CHST3: variants seen among roughly 807,000 people sequenced by gnomAD.
CHST3 encodes C6ST-1.
CHST3 carries 20 observed loss-of-function variants against 35.4 expected under a neutral mutation model. That is an observed-to-expected ratio of 0.57 (90% CI 0.40 to 0.82). CHST3 has a LOEUF of 0.82. Ranked by LOEUF, CHST3 falls within the 40% of genes least tolerant of loss-of-function variation. The pLI is 0.00. For missense variants in CHST3, 693 were observed against 670.1 expected, an observed-to-expected ratio of 1.03 and a Z score of -0.38; for synonymous variants, 334 against 295.9, an observed-to-expected ratio of 1.13 and a Z score of -1.32.
intron 1 of CHST3, among the ~76,000 whole-genome samples, chr10:71,997,217 C>T (rs1238074837): frequency 6.6e-6 from 1 of 152,180 alleles, no homozygotes; most frequent in Non-Finnish European, 1.5e-5. Context: ...CCCCCCGGCC[C>T]TTCATCCCAG....
At chr10:71,981,233 C>T (rs903921518) in intron 1 of CHST3, among the ~76,000 whole-genome samples, 8 of 152,204 alleles carry the variant, frequency 5.3e-5, no homozygotes, top group African/African-American at 9.7e-5. Context: ...TTGTATCACG[C>T]GGCAGCACCT....
intron 1 of CHST3, among the ~76,000 whole-genome samples, chr10:71,970,171 G>C (rs1353567305): frequency 6.6e-6 from 1 of 152,122 alleles, no homozygotes; most frequent in African/African-American, 2.4e-5. Context: ...CACCAGCTTG[G>C]AGGGCAGGGT....
At chr10:71,970,929 G>A (rs1485432810) in intron 1 of CHST3, among the ~76,000 whole-genome samples, 1 of 152,134 alleles carries the variant, frequency 6.6e-6, no homozygotes, top group African/African-American at 2.4e-5. Flanking sequence ...TCTTTGCTTT[G>A]GGCTGGAGTC....
chr10:72,005,751 C>A lies in CHST3; in HGVS notation c.-92C>A. 1.3e-6 allele frequency: 2 copies of A among 1,540,066 alleles called. No individual in the cohort carries two copies. Among genetic ancestry groups the A allele is most frequent in the Non-Finnish European group, 1.8e-6 (2 of 1,116,260 alleles). On this transcript the variant is annotated 5_prime_UTR_variant, in exon 2 of 3. Transcript: ENST00000373115. ...CTCTCCGCAGGACAAGGGTGTCCCC[C>A]ACCTGAAGACGGCAAGCTGGGTCCT...
Position 72,009,061 on chromosome 10 carries a change from G to A in CHST3, c.*590G>A, listed in dbSNP as rs141983962. 9.2e-5 allele frequency: 14 copies of A among 152,920 alleles called. No homozygotes were observed. Among genetic ancestry groups the A allele is most frequent in the African/African-American group, 2.6e-4 (11 of 41,540 alleles). The allele number at this position is 152,920 out of a possible 1,614,324, so 9.5% of individuals were successfully genotyped here. The stretch of plus-strand genomic sequence containing the variant: ...GGCTGTGCTGGTTACTGATGAATAT[G>A]GGCCCCTTATAGAGCTGCAAAACAC... On this transcript the variant is annotated 3_prime_UTR_variant, in exon 3 of 3. Transcript: ENST00000373115.
intron 1 of CHST3, among the ~76,000 whole-genome samples, chr10:71,996,812 G>A (rs928339302): frequency 2.0e-5 from 3 of 152,246 alleles, no homozygotes; most frequent in Middle Eastern, 6.8e-3. Flanking sequence ...TACTGTCCGA[G>A]GCAAGAGCTG....
rs1474879888 is a variant in CHST3 at position 72,007,905 on chromosome 10, C to T, written c.874C>T (p.Leu292=). The change falls in exon 3 of 3, where the codon CTG becomes TTG. Residue 292 remains leucine (L), a synonymous_variant. Transcript: ENST00000373115. ...GCAGCCGCTGGCCGAGGACCCCCGC[C>T]TGGACCTGCGCGTCATCCAGCTGGT... ...FLQPLAEDPR[L]DLRVIQLVRD... The T allele has an allele frequency of 1.9e-6, 3 of 1,571,494 alleles. No individual in the cohort carries two copies. The highest frequency in any genetic ancestry group is 1.7e-6 in the Non-Finnish European group (2 of 1,158,966).
intron 1 of CHST3, among the ~76,000 whole-genome samples, chr10:71,978,252 G>A (rs1839765962): frequency 6.6e-6 from 1 of 152,078 alleles, no homozygotes; most frequent in African/African-American, 2.4e-5. Flanking sequence ...CTGTAATCCA[G>A]CTACTCGGGA....
intron 1 of CHST3, among the ~76,000 whole-genome samples, chr10:72,002,702 G>T (rs1021875588): frequency 6.6e-6 from 1 of 152,180 alleles, no homozygotes; most frequent in Non-Finnish European, 1.5e-5. Context: ...TCAACACCTC[G>T]TACTCTGAAA....
intron 1 of CHST3, among the ~76,000 whole-genome samples, chr10:71,983,117 G>A (rs967246239): frequency 1.4e-4 from 21 of 152,234 alleles, no homozygotes; most frequent in African/African-American, 4.6e-4. Context: ...AAGATAGGGT[G>A]GGCCAGGTTG....
At chr10:71,966,495 T>A (rs1168875083) in intron 1 of CHST3, among the ~76,000 whole-genome samples, 1 of 152,194 alleles carries the variant, frequency 6.6e-6, no homozygotes, top group Non-Finnish European at 1.5e-5. Context: ...AAATGTGTCA[T>A]TCCCCACCCC....
chr10:71,980,645 G>A (rs1220981274), intron 1 of CHST3, among the ~76,000 whole-genome samples: 2 of 152,138 alleles, frequency 1.3e-5, no homozygotes, highest in Admixed American at 1.3e-4. Flanking sequence ...CTGAGGATTC[G>A]CATTTCCACC....
intron 1 of CHST3, among the ~76,000 whole-genome samples, chr10:72,002,837 G>T (rs1370955784): frequency 6.6e-6 from 1 of 152,210 alleles, no homozygotes; most frequent in Non-Finnish European, 1.5e-5. Flanking sequence ...ACAGCTACCA[G>T]GCACCAGCCT....
chr10:71,966,796 A>G (rs1347946200), intron 1 of CHST3, among the ~76,000 whole-genome samples: 1 of 152,250 alleles, frequency 6.6e-6, no homozygotes, highest in Non-Finnish European at 1.5e-5. Flanking sequence ...CAGATTAGGA[A>G]ACTGAGGACC....
chr10:71,978,855 C>T (rs575755811), intron 1 of CHST3, among the ~76,000 whole-genome samples: 2 of 152,276 alleles, frequency 1.3e-5, no homozygotes, highest in African/African-American at 4.8e-5. Context: ...GCTCTGTGGG[C>T]CAAGAGCAGG....
In CHST3 at chr10:72,009,091, A is replaced by T. The variant is rs976638149; in HGVS notation, c.*620A>T. On this transcript the variant is annotated 3_prime_UTR_variant, in exon 3 of 3. Coordinates refer to ENST00000373115, the MANE Select transcript of CHST3 (RefSeq NM_004273.5). Reference sequence around the variant, plus strand: ...CCTTATAGAGCTGCAAAACACACACATGCGTATAGACATACATACATGTAC... The same window carrying T: ...CCTTATAGAGCTGCAAAACACACACTTGCGTATAGACATACATACATGTAC... The T allele has an allele frequency of 6.5e-6, 1 of 152,836 alleles. No homozygotes were observed. The highest frequency in any genetic ancestry group is 6.5e-5 in the Admixed American group (1 of 15,344). The allele number at this position is 152,836 out of a possible 1,614,324, so 9.5% of individuals were successfully genotyped here. A position where few individuals can be genotyped will look rare whatever the true frequency, so the allele number is the denominator to read the frequency against.
At chr10:71,984,860 CCTGGTT>C (rs1564526839) in intron 1 of CHST3, among the ~76,000 whole-genome samples, 3 of 152,216 alleles carry the variant, frequency 2.0e-5, no homozygotes, top group Non-Finnish European at 4.4e-5. Context: ...GTTCCTAGTG[CCTGGTT>C]CCATGCTTGG....
In CHST3 at chr10:72,008,039, G is replaced by A; in HGVS notation, c.1008G>A (p.Glu336=). The change falls in exon 3 of 3, where the codon GAG becomes GAA. Residue 336 remains glutamate, a synonymous_variant. Coordinates refer to ENST00000373115, the MANE Select transcript of CHST3 (RefSeq NM_004273.5). ...DDEGQDGLRE[E]EVQRLRGNCE... Reference sequence around the variant, plus strand: ...AGGGCCAGGACGGCCTGAGGGAAGAGGAGGTGCAGCGGCTGCGGGGCAACT... The same window carrying A: ...AGGGCCAGGACGGCCTGAGGGAAGAAGAGGTGCAGCGGCTGCGGGGCAACT... The A allele has an allele frequency of 1.9e-6, 3 of 1,549,458 alleles. No individual in the cohort carries two copies. The highest frequency in any genetic ancestry group is 2.6e-6 in the Non-Finnish European group (3 of 1,146,502).
intron 1 of CHST3, among the ~76,000 whole-genome samples, chr10:71,976,128 G>T (rs1034066713): frequency 3.9e-5 from 6 of 152,210 alleles, no homozygotes; most frequent in African/African-American, 1.4e-4. Context: ...GCTCTTTGTG[G>T]TTCGGGAAAA....
Sources: allele counts gnomAD v4.1 joint callset (sites outside exome capture counted in the v4.1 genomes callset), GRCh38; gene constraint gnomAD v4.1.1; transcripts MANE v1.5; gene names NCBI Gene and HGNC (gene_info 2026-07-23, HGNC 2026-07-21).